Variants in PDILT observed in about 807,000 individuals in gnomAD.
PDILT encodes protein disulfide-isomerase-like protein of the testis.
PDILT carries 43 observed loss-of-function variants against 53.7 expected under a neutral mutation model. The ratio of observed to expected loss-of-function variants is 0.80; its 90% CI spans 0.63 to 1.03. The LOEUF (loss-of-function observed/expected upper bound fraction) is 1.03. PDILT is among the 50% of genes least tolerant of loss of function. PDILT has a pLI of 0.00. For missense variants in PDILT, 727 were observed against 712.3 expected (o/e 1.02, Z -0.24); for synonymous variants, 282 against 274.2 (o/e 1.03, Z -0.28).
rs373373927 is a variant in PDILT, at chr16:20,372,922, C to T, written c.798G>A (p.Lys266=). 1.9e-6 allele frequency: 3 copies of T among 1,614,080 alleles called. No individual in the cohort carries two copies. Among genetic ancestry groups the T allele is most frequent in the Non-Finnish European group, 2.5e-6 (3 of 1,179,970 alleles). The change falls in exon 7 of 12, where the codon AAG becomes AAA. Residue 266 remains lysine, a synonymous_variant. Coordinates refer to ENST00000302451, the MANE Select transcript of PDILT (RefSeq NM_174924.2). ...DFVIEYNTEN[K]DLISELHIMS... ...TGATGTGCAACTCGGAAATCAGATC[C>T]TTATTCTGAAATGACCAGGAAAATA...
intron 9 of PDILT, 70 bp from the exon 10 acceptor site, chr16:20,362,652 T>C: frequency 1.4e-6 from 2 of 1,459,318 alleles, no homozygotes; most frequent in Non-Finnish European, 1.9e-6. Flanking sequence ...ACCCTACACA[T>C]GGCATCGCTG....
chr16:20,369,215 T>C (rs1966264329), intron 8 of PDILT, among the ~76,000 whole-genome samples: 1 of 152,234 alleles, frequency 6.6e-6, no homozygotes. Flanking sequence ...GAGTGCAAGT[T>C]AACACTACTG....
chr16:20,365,418 A>G lies in PDILT; in HGVS notation c.1237+2T>C. On this transcript the variant is annotated splice_donor_variant, in intron 9 of 11. Transcript: ENST00000302451. LOFTEE classifies it high-confidence loss of function. ...CTCAGAACCCCTCTTGGAGATACTT[A>G]CAGAACATCACAAATACGTCCTTTT... 6.2e-7 allele frequency: 1 copy of G among 1,613,902 alleles called. No individual in the cohort carries two copies. The highest frequency in any genetic ancestry group is 8.5e-7 in the Non-Finnish European group (1 of 1,179,754).
At chr16:20,361,936 G>A (rs1966107867) in intron 10 of PDILT, among the ~76,000 whole-genome samples, 1 of 152,218 alleles carries the variant, frequency 6.6e-6, no homozygotes, top group Admixed American at 6.5e-5. Flanking sequence ...ACATGGCATG[G>A]AGTGTGGGTT....
At position 20,359,567 on chromosome 16, in the gene PDILT, G is replaced by C; in HGVS notation, c.1507C>G (p.Leu503Val). The C allele has an allele frequency of 6.2e-7, 1 of 1,613,066 alleles. No individual in the cohort carries two copies. Among genetic ancestry groups the C allele is most frequent in the South Asian group, 1.1e-5 (1 of 90,952 alleles). Residue 503 changes from leucine to valine, a missense_variant and splice_region_variant, in exon 12 of 12, where the codon CTG (leucine) becomes GTG (valine). Transcript: ENST00000302451. ...ACTTCATTTTGCTCAACAGACAACA[G>C]CTATGAAAGCAAAGGTGGAAGGAAG... ...IKTKIEDEDELLSVEQNEVIE... is the reference protein window; with the variant it reads ...IKTKIEDEDEVLSVEQNEVIE...
intron 2 of PDILT, among the ~76,000 whole-genome samples, chr16:20,398,537 A>G (rs926648975): frequency 1.3e-5 from 2 of 152,192 alleles, no homozygotes; most frequent in African/African-American, 4.8e-5. Flanking sequence ...TGTATGAGGC[A>G]TGAGAATCGC....
rs1966361247 is a variant in PDILT at position 20,374,877 on chromosome 16, C to T, written c.626G>A (p.Gly209Asp). The stretch of plus-strand genomic sequence containing the variant: ...GACGTGGAAACGCCCAATGACATTG[C>T]CAATCGTTATGACTCCAAACGTTAG... Reference protein sequence around the residue: ...PELTFGVITIGNVIGRFHVTL... With the variant: ...PELTFGVITIDNVIGRFHVTL... The change falls in exon 5 of 12, where the codon GGC (glycine) becomes GAC (aspartate). Residue 209 changes from glycine to aspartate, a missense_variant. Physicochemically the swap from Gly to Asp is moderately conservative, Grantham distance 94. Coordinates refer to ENST00000302451, the MANE Select transcript of PDILT (RefSeq NM_174924.2). 1.2e-6 allele frequency: 2 copies of T among 1,614,082 alleles called. No individual in the cohort carries two copies. Among genetic ancestry groups the T allele is most frequent in the Non-Finnish European group, 1.7e-6 (2 of 1,179,958 alleles).
intron 9 of PDILT, among the ~76,000 whole-genome samples, chr16:20,363,053 CAG>C (rs555841685): frequency 2.6e-3 from 256 of 100,112 alleles, no homozygotes; most frequent in Middle Eastern, 0.014. Context: ...GTCTGGGTGA[CAG>C]AGAGAGACTC....
At chr16:20,401,591 G>T (rs1218675376) in intron 1 of PDILT, among the ~76,000 whole-genome samples, 1 of 152,198 alleles carries the variant, frequency 6.6e-6, no homozygotes, top group African/African-American at 2.4e-5. Flanking sequence ...AAAGCCTCAA[G>T]GGGCCTTCAG....
Position 20,360,580 on chromosome 16 carries a change from C to T in PDILT, c.1494G>A (p.Glu498=). 1 of 1,613,740 alleles carries T rather than the reference C, an allele frequency of 6.2e-7. No individual in the cohort carries two copies. Among genetic ancestry groups the T allele is most frequent in the South Asian group, 1.1e-5 (1 of 91,062 alleles). ...FLESHIKTKI[E]DEDELLSVEQ... ...TGTTGCCCCTTACCTCATCCTCATC[C>T]TCAATCTTAGTTTTGATGTGGCTTT... is the stretch of plus-strand genomic sequence containing the variant. The change falls in exon 11 of 12, where the codon GAG becomes GAA. Residue 498 remains glutamate (E), a synonymous_variant. Transcript: ENST00000302451.
At chr16:20,367,024 C>CTTCCTTCT (rs1555489416) in intron 8 of PDILT, among the ~76,000 whole-genome samples, 1 of 76,154 alleles carries the variant, frequency 1.3e-5, no homozygotes, top group Non-Finnish European at 2.5e-5. Context: ...CTCTCTCTTT[C>CTTCCTTCT]TTCTTTCTTT....
chr16:20,403,686 T>A (rs1274006490), intron 1 of PDILT, among the ~76,000 whole-genome samples: 1 of 151,936 alleles, frequency 6.6e-6, no homozygotes, highest in Non-Finnish European at 1.5e-5. Context: ...CTTTTTTTTT[T>A]ACAATCCATT....
At chr16:20,375,007 C>G (rs766539266) in intron 4 of PDILT, 48 bp from the exon 5 acceptor site, 9 of 1,559,108 alleles carry the variant, frequency 5.8e-6, no homozygotes, top group Non-Finnish European at 7.0e-6. Flanking sequence ...AATCAAGGTG[C>G]CTGGTTTATA....
chr16:20,385,990 G>A (rs1254470542), intron 2 of PDILT: 1 of 152,132 alleles, frequency 6.6e-6, no homozygotes, highest in Admixed American at 6.5e-5. Flanking sequence ...TGCCCTGCAT[G>A]TAATTGGACA....
At chr16:20,367,637 G>A (rs1244012204) in intron 8 of PDILT, among the ~76,000 whole-genome samples, 1 of 152,190 alleles carries the variant, frequency 6.6e-6, no homozygotes, top group East Asian at 1.9e-4. Flanking sequence ...GATTTTAGAT[G>A]TGGTAATGGA....
intron 4 of PDILT, among the ~76,000 whole-genome samples, chr16:20,375,434 C>T (rs547789891): frequency 1.3e-5 from 2 of 152,300 alleles, no homozygotes; most frequent in South Asian, 4.1e-4. Context: ...ATATAATGCC[C>T]AAGTTCTGCC....
chr16:20,381,064 G>A (rs1313307364), intron 3 of PDILT, among the ~76,000 whole-genome samples: 2 of 152,236 alleles, frequency 1.3e-5, no homozygotes, highest in Admixed American at 1.3e-4. Context: ...ATATTTCCAG[G>A]CACAGACTGT....
intron 8 of PDILT, among the ~76,000 whole-genome samples, chr16:20,367,029 TTCTTTCTTTCTTTCTTTC>T (rs1966211168): frequency 2.2e-4 from 1 of 4,622 alleles, no homozygotes; most frequent in Non-Finnish European, 6.2e-4. Flanking sequence ...TCTTTCTTCT[TTCTTTCTTTCTTTCTTTC>T]TTTCTTTCTT....
chr16:20,362,111 A>G (rs751707490), intron 10 of PDILT, among the ~76,000 whole-genome samples: 20 of 152,194 alleles, frequency 1.3e-4, no homozygotes, highest in Admixed American at 3.9e-4. Flanking sequence ...CTCAGCCCCA[A>G]TGCTAGCAGG....
Sources: gnomAD v4.1 joint callset for allele counts (sites outside exome capture counted in the v4.1 genomes callset) on GRCh38, gnomAD v4.1.1 for gene constraint, MANE v1.5 for transcripts, NCBI Gene and HGNC (gene_info 2026-07-23, HGNC 2026-07-21) for gene names.